The following WWTR1 variants were observed in gnomAD, a reference collection of about 807,000 sequenced individuals.
WWTR1 encodes WW domain-containing transcription regulator protein 1.
WWTR1 carries 13 observed loss-of-function variants against 40.1 expected under a neutral mutation model. The ratio of observed to expected loss-of-function variants is 0.32; its 90% CI spans 0.21 to 0.52. The LOEUF is 0.52. Among genes scored for constraint, WWTR1 ranks in the 20% least tolerant of loss-of-function variants. The pLI, the probability that WWTR1 is intolerant of heterozygous loss-of-function variation, is 0.97. For synonymous variants in WWTR1, 230 were observed against 210.1 expected (o/e 1.09, Z -0.82); for missense variants, 436 against 523.1 (o/e 0.83, Z 1.63).
chr3:149,722,169 G>A (rs1715770361), intron 4 of WWTR1, among the ~76,000 whole-genome samples: 1 of 151,718 alleles, frequency 6.6e-6, no homozygotes, highest in Admixed American at 6.6e-5. Flanking sequence ...TGATCTTTTG[G>A]AAGAACCATC....
intron 2 of WWTR1, among the ~76,000 whole-genome samples, chr3:149,605,266 T>C (rs1032995447): frequency 3.3e-5 from 5 of 152,116 alleles, no homozygotes; most frequent in Admixed American, 1.3e-4. Context: ...GGCCACAGCA[T>C]GAGAGTGGAT....
intron 2 of WWTR1, among the ~76,000 whole-genome samples, chr3:149,574,053 CAT>C (rs1178934377): frequency 6.6e-6 from 1 of 151,958 alleles, no homozygotes; most frequent in Non-Finnish European, 1.5e-5. Context: ...TTTTTCGAGA[CAT>C]GATCTTGCTC....
intron 2 of WWTR1, among the ~76,000 whole-genome samples, chr3:149,602,923 G>A (rs1049714955): frequency 3.3e-5 from 5 of 152,052 alleles, no homozygotes; most frequent in African/African-American, 1.2e-4. Context: ...GCCTCCCAAA[G>A]TGCTGAGATG....
intron 3 of WWTR1, among the ~76,000 whole-genome samples, chr3:149,552,472 A>C (rs1419532677): frequency 1.3e-5 from 2 of 150,126 alleles, no homozygotes; most frequent in African/African-American, 4.8e-5. Flanking sequence ...TGAGAAAAAA[A>C]CTGGCAACGC....
chr3:149,605,311 C>A (rs1367432724), intron 2 of WWTR1, among the ~76,000 whole-genome samples: 3 of 152,030 alleles, frequency 2.0e-5, no homozygotes, highest in Non-Finnish European at 2.9e-5. Flanking sequence ...AGGTAGGAGA[C>A]CAGTTAGAAG....
chr3:149,684,375 G>A (rs35882494), intron 1 of WWTR1, among the ~76,000 whole-genome samples: 20,523 of 152,002 alleles, frequency 0.14, 1,862 homozygotes, highest in African/African-American at 0.26. Flanking sequence ...GAAATGTATG[G>A]CTGGGACACG....
chr3:149,664,121 G>C (rs1713706060), intron 2 of WWTR1, among the ~76,000 whole-genome samples: 1 of 152,242 alleles, frequency 6.6e-6, no homozygotes, highest in African/African-American at 2.4e-5. Flanking sequence ...TTAGAAACTT[G>C]GTGGGGTGGC....
chr3:149,573,411 C>T (rs750337682), intron 2 of WWTR1, among the ~76,000 whole-genome samples: 2 of 152,132 alleles, frequency 1.3e-5, no homozygotes, highest in East Asian at 3.9e-4. Flanking sequence ...CCCATACTCT[C>T]CTGACTCATA....
intron 4 of WWTR1, among the ~76,000 whole-genome samples, chr3:149,534,749 G>A (rs574293493): frequency 2.0e-5 from 3 of 152,276 alleles, no homozygotes; most frequent in Admixed American, 6.5e-5. Flanking sequence ...CAAAATAAGG[G>A]CTCAAGAATC....
At chr3:149,681,693 T>C (rs1714462118) in intron 1 of WWTR1, among the ~76,000 whole-genome samples, 1 of 152,158 alleles carries the variant, frequency 6.6e-6, no homozygotes, top group African/African-American at 2.4e-5. Flanking sequence ...AATAGATGAA[T>C]GGATAAGAAA....
intron 2 of WWTR1, among the ~76,000 whole-genome samples, chr3:149,640,449 T>G (rs181058002): frequency 1.3e-5 from 2 of 152,268 alleles, no homozygotes; most frequent in Non-Finnish European, 2.9e-5. Flanking sequence ...GAAACAGAGT[T>G]TCGCTCTGCC....
At chr3:149,579,340 AGAT>A (rs1738036297) in intron 2 of WWTR1, among the ~76,000 whole-genome samples, 1 of 152,212 alleles carries the variant, frequency 6.6e-6, no homozygotes, top group Non-Finnish European at 1.5e-5. Flanking sequence ...CACACCAATG[AGAT>A]GAGAATTTAA....
chr3:149,638,857 A>G (rs888513613), intron 2 of WWTR1, among the ~76,000 whole-genome samples: 3 of 152,222 alleles, frequency 2.0e-5, no homozygotes, highest in African/African-American at 7.2e-5. Flanking sequence ...GGGGAAACAA[A>G]CAGGTTTTTA....
At chr3:149,658,269 G>A (rs1228079372), upstream of WWTR1, 1 of 152,740 alleles carries the variant, frequency 6.5e-6, no homozygotes, top group Middle Eastern at 3.3e-3. Context: ...GACCTCTCCC[G>A]CTCAGACCTG....
At chr3:149,723,271 C>T (rs1334966885) in intron 4 of WWTR1, among the ~76,000 whole-genome samples, 1 of 149,660 alleles carries the variant, frequency 6.7e-6, no homozygotes, top group Non-Finnish European at 1.5e-5. Context: ...TCACCACAAC[C>T]TCTGCCTCCC....
At chr3:149,682,192 G>A (rs956926858) in intron 1 of WWTR1, among the ~76,000 whole-genome samples, 2 of 152,118 alleles carry the variant, frequency 1.3e-5, no homozygotes, top group Non-Finnish European at 2.9e-5. Flanking sequence ...GTGATTAGTG[G>A]TTAAACAAAG....
At chr3:149,571,470 A>C (rs1449090905) in intron 3 of WWTR1, among the ~76,000 whole-genome samples, 1 of 152,104 alleles carries the variant, frequency 6.6e-6, no homozygotes, top group African/African-American at 2.4e-5. Flanking sequence ...TTGGTTTACC[A>C]CTGCTGGTAC....
chr3:149,584,736 A>T (rs1316982177), intron 2 of WWTR1, among the ~76,000 whole-genome samples: 1 of 152,168 alleles, frequency 6.6e-6, no homozygotes, highest in African/African-American at 2.4e-5. Flanking sequence ...AATGAGGCAG[A>T]GTGGTACAGT....
chr3:149,720,246 T>G (rs1715723438), intron 4 of WWTR1, among the ~76,000 whole-genome samples: 1 of 152,160 alleles, frequency 6.6e-6, no homozygotes, highest in Non-Finnish European at 1.5e-5. Flanking sequence ...AGTTTTATAG[T>G]TTTAGGGCTT....
Sources: gnomAD v4.1 joint callset for allele counts (sites outside exome capture counted in the v4.1 genomes callset) on GRCh38, gnomAD v4.1.1 for gene constraint, MANE v1.5 for transcripts, NCBI Gene and HGNC (gene_info 2026-07-23, HGNC 2026-07-21) for gene names.